TUBGCP2: variants seen among roughly 807,000 people sequenced by gnomAD.
TUBGCP2 encodes the protein gamma-tubulin complex component 2.
In TUBGCP2, 55 loss-of-function variants were observed where a neutral mutation model predicts 92.2. That is an observed-to-expected ratio of 0.60 (90% CI 0.48 to 0.75). The LOEUF is 0.75. Among genes scored for constraint, TUBGCP2 ranks in the 30% least tolerant of loss-of-function variants. The pLI is 0.00. For synonymous variants in TUBGCP2, 533 were observed against 505.2 expected, an observed-to-expected ratio of 1.06 and a Z score of -0.74; for missense variants, 1,093 against 1,188.9, an observed-to-expected ratio of 0.92 and a Z score of 1.19.
chr10:133,300,148 T>A (rs758650886), intron 2 of TUBGCP2, 35 bp from the exon 3 acceptor site: 2 of 1,599,430 alleles, frequency 1.3e-6, no homozygotes, highest in Non-Finnish European at 1.7e-6. Flanking sequence ...TTAATGACGG[T>A]AATTAATAAA....
At chr10:133,302,488 A>C (rs1244817630) in intron 2 of TUBGCP2, 2 of 379,448 alleles carry the variant, frequency 5.3e-6, no homozygotes, top group East Asian at 5.6e-5. Flanking sequence ...CTCACCCTGC[A>C]CCCTGACCCA....
chr10:133,299,761 A>G (rs1252248795), intron 3 of TUBGCP2, among the ~76,000 whole-genome samples, 158 bp from the exon 4 acceptor site: 1 of 152,212 alleles, frequency 6.6e-6, no homozygotes, highest in Non-Finnish European at 1.5e-5. Context: ...AGCGTGACAC[A>G]TGCGGGAAGC....
chr10:133,301,422 G>T (rs1847651556), intron 2 of TUBGCP2, among the ~76,000 whole-genome samples: 1 of 152,146 alleles, frequency 6.6e-6, no homozygotes, highest in Non-Finnish European at 1.5e-5. Flanking sequence ...ACCGTGCCCA[G>T]CAGGGGTTAT....
upstream of TUBGCP2, chr10:133,309,293 A>T: frequency 2.1e-6 from 3 of 1,458,796 alleles, no homozygotes; most frequent in Non-Finnish European, 2.8e-6. Flanking sequence ...GCGGGACCGG[A>T]GCGCGGGATG....
intron 1 of TUBGCP2, 78 bp from the exon 2 acceptor site, chr10:133,303,058 C>G (rs1847713492): frequency 2.9e-6 from 4 of 1,356,626 alleles, no homozygotes; most frequent in Non-Finnish European, 3.0e-6. Context: ...TCAAGACTGG[C>G]CAATGTCAGG....
At chr10:133,308,937 C>G (rs1847906642), upstream of TUBGCP2, 1 of 1,224,328 alleles carries the variant, frequency 8.2e-7, no homozygotes, top group Non-Finnish European at 1.0e-6. Flanking sequence ...CGCCCGCGCC[C>G]GGGGTGATGC....
intron 2 of TUBGCP2, chr10:133,302,305 A>AG (rs1847682725): frequency 9.6e-6 from 2 of 208,242 alleles, no homozygotes; most frequent in South Asian, 1.5e-4. Flanking sequence ...GCCCTGCACC[A>AG]GGGGCAGTGC....
Position 133,279,944 on chromosome 10 carries a change from C to T in TUBGCP2, c.2574-43G>A, listed in dbSNP as rs375153500. On this transcript the variant is annotated intron_variant, in intron 17 of 17. Transcript: ENST00000252936. ...GGAGCTGGGGTGCACACCCCTTCTGCGGGTGCATGCTGGGCAGCAGGGGTG... is the reference window on the plus strand; with the variant it reads ...GGAGCTGGGGTGCACACCCCTTCTGTGGGTGCATGCTGGGCAGCAGGGGTG... The T allele has an allele frequency of 8.4e-5, 133 of 1,591,238 alleles. 1 individual carries two copies. The highest frequency in any genetic ancestry group is 6.7e-4 in the Middle Eastern group (4 of 5,998).
intron 8 of TUBGCP2, among the ~76,000 whole-genome samples, chr10:133,292,096 TGTCCCTCC>T (rs1847349970): frequency 3.2e-4 from 4 of 12,534 alleles, no homozygotes; most frequent in Non-Finnish European, 5.3e-4. Context: ...TGTCCCTCCG[TGTCCCTCC>T]GTGTCCCCCA....
rs915243650 is a variant in TUBGCP2 at position 133,308,853 on chromosome 10, C to G, written c.-70G>C. The G allele has an allele frequency of 2.7e-6, 3 of 1,106,574 alleles. No individual in the cohort carries two copies. Among genetic ancestry groups the G allele is most frequent in the East Asian group, 3.7e-5 (1 of 27,272 alleles). 68.5% of individuals were successfully genotyped at this position (1,106,574 alleles called of 1,614,324 possible). On this transcript the variant is annotated 5_prime_UTR_variant, in exon 1 of 18. Coordinates refer to ENST00000252936, the MANE Select transcript of TUBGCP2 (RefSeq NM_006659.4). ...TCCCGGAGCCACAGCCCCCGCGCAG[C>G]CCCCGACGGCGGCGGAAGTGAGCGT...
At position 133,281,200 on chromosome 10, in the gene TUBGCP2, C is replaced by A. The variant is rs574855212; in HGVS notation, c.2573+73G>T. ...GGACTGAGCTGAGGAAGGGCTGAGCCAGGGCGGTGCTGGGCAGGGGCAGGC... is the reference window on the plus strand; with the variant it reads ...GGACTGAGCTGAGGAAGGGCTGAGCAAGGGCGGTGCTGGGCAGGGGCAGGC... On this transcript the variant is annotated intron_variant, in intron 17 of 17. Coordinates refer to ENST00000252936, the MANE Select transcript of TUBGCP2 (RefSeq NM_006659.4). 1.2e-5 allele frequency: 19 copies of A among 1,541,402 alleles called. No individual in the cohort carries two copies. The Admixed American group carries it at 2.1e-4, about 17-fold the overall frequency.
chr10:133,289,707 G>A (rs1847225689), intron 9 of TUBGCP2, 117 bp downstream of exon 9: 2 of 1,216,638 alleles, frequency 1.6e-6, no homozygotes, highest in Admixed American at 2.5e-5. Flanking sequence ...ACGGACACCA[G>A]GGCTCAGGGC....
chr10:133,297,726 G>A lies in TUBGCP2; in HGVS notation c.616+226C>T, dbSNP rs74387380. Reference sequence around the variant, plus strand: ...ACAGGAGAAGAACCCTCAAGGACCCGGGTGAGCCGTTCTCTGCTGCCATCC... The same window carrying A: ...ACAGGAGAAGAACCCTCAAGGACCCAGGTGAGCCGTTCTCTGCTGCCATCC... On this transcript the variant is annotated intron_variant, in intron 5 of 17. Coordinates refer to ENST00000252936, the MANE Select transcript of TUBGCP2 (RefSeq NM_006659.4). Among the ~76,000 whole-genome samples, 1,021 of 152,356 alleles carry A rather than the reference G, an allele frequency of 6.7e-3. 10 individuals carry two copies. Among genetic ancestry groups the A allele is most frequent in the Middle Eastern group, 0.034 (10 of 294 alleles).
At chr10:133,286,594 G>A (rs534843565) in intron 11 of TUBGCP2, among the ~76,000 whole-genome samples, 10 of 151,912 alleles carry the variant, frequency 6.6e-5, no homozygotes, top group African/African-American at 9.7e-5. Flanking sequence ...GCACGGAACC[G>A]AGGGCACATC....
Position 133,292,696 on chromosome 10 carries a change from G to A in TUBGCP2, c.1025-8C>T. 1 of 1,610,778 alleles carries A rather than the reference G, an allele frequency of 6.2e-7. No homozygotes were observed. Among genetic ancestry groups the A allele is most frequent in the Non-Finnish European group, 8.5e-7 (1 of 1,178,354 alleles). The stretch of plus-strand genomic sequence containing the variant: ...CTTTGTCCACCGAGGTGGCTGTGGG[G>A]AGAAAGGAGGGCTCACTGCTGAGAA... On this transcript the variant is annotated splice_region_variant and splice_polypyrimidine_tract_variant and intron_variant, in intron 7 of 17. Coordinates refer to ENST00000252936, the MANE Select transcript of TUBGCP2 (RefSeq NM_006659.4).
upstream of TUBGCP2, chr10:133,308,981 CG>C: frequency 8.0e-7 from 1 of 1,244,872 alleles, no homozygotes; most frequent in Non-Finnish European, 1.0e-6. Context: ...CGCCTCGCTG[CG>C]GGGCCCGGGG....
chr10:133,287,238 A>G (rs944096178), intron 11 of TUBGCP2, among the ~76,000 whole-genome samples: 3 of 152,162 alleles, frequency 2.0e-5, no homozygotes, highest in African/African-American at 7.2e-5. Context: ...TGTGGCCAGC[A>G]AGGGGCCAAG....
Position 133,285,453 on chromosome 10 carries a change from C to A in TUBGCP2, c.1895+3G>T, listed in dbSNP as rs1293292858. ...GGCAGGTGCCCGAGCAGCCGACCCG[C>A]ACCTGTTGATGATGAGCGAAAGGGG... On this transcript the variant is annotated splice_donor_region_variant and intron_variant, in intron 12 of 17. Coordinates refer to ENST00000252936, the MANE Select transcript of TUBGCP2 (RefSeq NM_006659.4). The surrounding 1 kb of genome is among the most constrained non-coding windows in gnomAD (Gnocchi z 6.8). 1.9e-6 allele frequency: 3 copies of A among 1,613,434 alleles called. No individual in the cohort carries two copies. The highest frequency in any genetic ancestry group is 2.5e-6 in the Non-Finnish European group (3 of 1,179,958).
At chr10:133,284,882 G>A (rs538495536) in intron 13 of TUBGCP2, among the ~76,000 whole-genome samples, 28 of 152,346 alleles carry the variant, frequency 1.8e-4, no homozygotes, top group African/African-American at 6.0e-4. Flanking sequence ...TGGGGTGGAC[G>A]GCAGCGCCGT....
Sources: gnomAD v4.1 joint callset for allele counts (sites outside exome capture counted in the v4.1 genomes callset) on GRCh38, gnomAD v4.1.1 for gene constraint, Gnocchi (gnomAD v3.1) non-coding constraint, MANE v1.5 for transcripts, NCBI Gene and HGNC (gene_info 2026-07-23, HGNC 2026-07-21) for gene names.